The following TEX26 variants were observed in gnomAD, a reference collection of about 807,000 sequenced individuals.
The protein encoded by TEX26 is testis expressed 26, also known as testis-expressed protein 26.
In TEX26, 34 loss-of-function variants were observed where a neutral mutation model predicts 35.3. The ratio of observed to expected loss-of-function variants is 0.96; its 90% confidence interval spans 0.73 to 1.28. The LOEUF is 1.28. TEX26 is among the 50% of genes most tolerant of loss of function. TEX26 has a pLI of 0.00. For synonymous variants in TEX26, 136 were observed against 111.8 expected, an observed-to-expected ratio of 1.22 and a Z score of -1.36; for missense variants, 371 against 330.1, an observed-to-expected ratio of 1.12 and a Z score of -0.96.
At chr13:30,943,415 A>G (rs562112160) in intron 2 of TEX26, among the ~76,000 whole-genome samples, 1 of 152,198 alleles carries the variant, frequency 6.6e-6, no homozygotes, top group South Asian at 2.1e-4. Context: ...GCAAACAGCA[A>G]TATTTTGACT....
intron 2 of TEX26, among the ~76,000 whole-genome samples, chr13:30,946,343 T>A (rs1475994931): frequency 6.6e-6 from 1 of 151,892 alleles, no homozygotes; most frequent in Admixed American, 6.6e-5. Context: ...TTTATTCATA[T>A]CCTGAGTTGT....
At chr13:30,951,067 A>G (rs995645636) in intron 2 of TEX26, among the ~76,000 whole-genome samples, 1 of 152,208 alleles carries the variant, frequency 6.6e-6, no homozygotes, top group Non-Finnish European at 1.5e-5. Flanking sequence ...CCACGGCTGT[A>G]ATCCCAGCCT....
chr13:30,946,427 A>G (rs531311711), intron 2 of TEX26, among the ~76,000 whole-genome samples: 2 of 151,872 alleles, frequency 1.3e-5, no homozygotes, highest in Non-Finnish European at 2.9e-5. Context: ...AACCTTTTGA[A>G]TTCTTTATCT....
chr13:30,965,950 C>T (rs941481284), intron 4 of TEX26, among the ~76,000 whole-genome samples: 10 of 152,156 alleles, frequency 6.6e-5, no homozygotes, highest in Admixed American at 6.5e-4. Context: ...TCTCTGACAC[C>T]CACCTCTGCC....
chr13:30,940,625 A>T (rs1248317284), intron 2 of TEX26, among the ~76,000 whole-genome samples: 5 of 151,978 alleles, frequency 3.3e-5, no homozygotes, highest in Non-Finnish European at 7.4e-5. Flanking sequence ...GAGCCACCAC[A>T]TCCGGCTGCC....
At chr13:30,937,012 T>C (rs1745671186) in intron 1 of TEX26, 1 of 983,212 alleles carries the variant, frequency 1.0e-6, no homozygotes, top group Non-Finnish European at 1.2e-6. Context: ...AAAAGAGTTG[T>C]AGTAAGGGAA....
chr13:30,949,755 A>G (rs117711820), intron 2 of TEX26, among the ~76,000 whole-genome samples: 1,828 of 152,192 alleles, frequency 0.012, 14 homozygotes, highest in Non-Finnish European at 0.017. Context: ...ATTCTCATGT[A>G]TATAGAATTC....
chr13:30,948,965 C>T (rs1436442079), intron 2 of TEX26, among the ~76,000 whole-genome samples: 1 of 152,292 alleles, frequency 6.6e-6, no homozygotes, highest in Non-Finnish European at 1.5e-5. Context: ...ATATGGCTAG[C>T]CAGTTTTCCC....
At chr13:30,941,897 A>C (rs1214194312) in intron 2 of TEX26, among the ~76,000 whole-genome samples, 1 of 152,038 alleles carries the variant, frequency 6.6e-6, no homozygotes, top group Non-Finnish European at 1.5e-5. Flanking sequence ...CACTTTTTTT[A>C]AACCACTCAC....
At chr13:30,962,594 G>C (rs1200675650) in intron 4 of TEX26, among the ~76,000 whole-genome samples, 1 of 152,158 alleles carries the variant, frequency 6.6e-6, no homozygotes, top group African/African-American at 2.4e-5. Context: ...TAGGACTTAT[G>C]ATATTGTAAT....
Position 30,935,246 on chromosome 13 carries a change from G to A in TEX26, c.61+2470G>A, listed in dbSNP as rs534619418. Among the ~76,000 whole-genome samples, 10 of 152,372 alleles carry A rather than the reference G, an allele frequency of 6.6e-5. No individual in the cohort carries two copies. The South Asian group carries it at 1.9e-3, about 28-fold the overall frequency. On this transcript the variant is annotated intron_variant, in intron 1 of 6. Coordinates refer to ENST00000380473, the MANE Select transcript of TEX26 (RefSeq NM_152325.3). ...AGCCCCAGGGCTGTGAATGGCAGCA[G>A]GAGGCAGACAGAGTCCTGGGTGGAA...
intron 2 of TEX26, among the ~76,000 whole-genome samples, chr13:30,951,355 CA>C (rs5802589): frequency 0.71 from 93,073 of 130,836 alleles, 31,833 homozygotes; most frequent in Admixed American, 0.77. Context: ...GACTCTGTCT[CA>C]AAAAAAAAAA....
intron 2 of TEX26, among the ~76,000 whole-genome samples, chr13:30,944,410 T>C (rs1363471533): frequency 6.6e-6 from 1 of 151,928 alleles, no homozygotes; most frequent in East Asian, 1.9e-4. Flanking sequence ...ACAAGCTTTT[T>C]GTTTCATTGA....
chr13:30,945,381 G>A (rs1415867535), intron 2 of TEX26, among the ~76,000 whole-genome samples: 1 of 151,374 alleles, frequency 6.6e-6, no homozygotes, highest in Non-Finnish European at 1.5e-5. Context: ...GATATTCTGT[G>A]GTTTGTGGAT....
chr13:30,944,077 T>A lies in TEX26; in HGVS notation c.146+4299T>A, dbSNP rs1005208641. Among the ~76,000 whole-genome samples, 9 of 152,134 alleles carry A rather than the reference T, an allele frequency of 5.9e-5. No individual in the cohort carries two copies. The South Asian group carries it at 1.9e-3, about 32-fold the overall frequency. On this transcript the variant is annotated intron_variant, in intron 2 of 6. Coordinates refer to ENST00000380473, the MANE Select transcript of TEX26 (RefSeq NM_152325.3). ...CTGATAGAATTCAGCTGTGAATCCATCTGGCCCTGGCTTTTTTTGAAGTCG... is the reference window on the plus strand; with the variant it reads ...CTGATAGAATTCAGCTGTGAATCCAACTGGCCCTGGCTTTTTTTGAAGTCG...
chr13:30,950,598 T>A (rs1953883761), intron 2 of TEX26, among the ~76,000 whole-genome samples: 1 of 152,202 alleles, frequency 6.6e-6, no homozygotes, highest in Non-Finnish European at 1.5e-5. Context: ...GAGGTGAACA[T>A]TTTGTAATTG....
chr13:30,961,999 A>T (rs1177242461), intron 4 of TEX26, among the ~76,000 whole-genome samples: 1 of 152,040 alleles, frequency 6.6e-6, no homozygotes, highest in East Asian at 1.9e-4. Flanking sequence ...TCAGTTTCCT[A>T]TATTGGGTGC....
In TEX26 at chr13:30,964,006, C is replaced by T. The variant is rs544501039; in HGVS notation, c.470-2216C>T. Among the ~76,000 whole-genome samples, 89 of 152,276 alleles carry T rather than the reference C, an allele frequency of 5.8e-4. No individual in the cohort carries two copies. The South Asian group carries it at 9.1e-3, about 16-fold the overall frequency. ...CAGCTCCTCCTCCCTGCCCTGCATG[C>T]CCCACCCTTCTGTGAGCCAGGCCAA... is the stretch of plus-strand genomic sequence containing the variant. On this transcript the variant is annotated intron_variant, in intron 4 of 6. Transcript: ENST00000380473.
intron 2 of TEX26, among the ~76,000 whole-genome samples, chr13:30,941,490 T>A (rs772507034): frequency 6.6e-5 from 10 of 152,224 alleles, no homozygotes; most frequent in Non-Finnish European, 1.5e-4. Flanking sequence ...AGTATAAAAA[T>A]TTTAACTTTT....
Sources: gnomAD v4.1 joint callset for allele counts (sites outside exome capture counted in the v4.1 genomes callset) on GRCh38, gnomAD v4.1.1 for gene constraint, MANE v1.5 for transcripts, NCBI Gene and HGNC (gene_info 2026-07-23, HGNC 2026-07-21) for gene names.